The following CHD2 variants were observed in gnomAD, a reference collection of about 807,000 sequenced individuals.
CHD2 encodes ATP-dependent chromatin remodeler CHD2.
In CHD2, 28 loss-of-function variants were observed where a neutral mutation model predicts 243.9. That is an observed-to-expected ratio of 0.11 (90% confidence interval 0.09 to 0.16). The LOEUF (loss-of-function observed/expected upper bound fraction) is 0.16, where lower values mean the gene tolerates loss of function less well. CHD2 is among the 10% of genes least tolerant of loss of function. The pLI, the probability that CHD2 is intolerant of heterozygous loss-of-function variation, is 1.00. For synonymous variants in CHD2, 775 were observed against 779.0 expected (o/e 0.99, Z 0.09); for missense variants, 1,386 against 2,209.8 (o/e 0.63, Z 7.47).
At position 92,998,741 on chromosome 15, in the gene CHD2, AT is replaced by A. The variant is rs1325032803; in HGVS notation, c.4008+124del. 1.5e-6 allele frequency: 2 copies of A among 1,306,912 alleles called. No individual in the cohort carries two copies. The highest frequency in any genetic ancestry group is 4.8e-5 in the East Asian group (2 of 41,716). The allele number at this position is 1,306,912 out of a possible 1,614,324, so 81.0% of individuals were successfully genotyped here. On this transcript the variant is annotated intron_variant, in intron 31 of 38. Transcript: ENST00000394196. This position sits in a 1 kb window ranked among gnomAD's most constrained non-coding sequence, Gnocchi z 5.1. ...CAGAATGTCACCTTCTCATGGGCAT[AT>A]TTTGTTTTTGAGGTTCCAGTAATGA...
At chr15:93,018,206 A>C (rs2054487285) in intron 37 of CHD2, among the ~76,000 whole-genome samples, 1 of 152,196 alleles carries the variant, frequency 6.6e-6, no homozygotes, top group South Asian at 2.1e-4. Flanking sequence ...GCATATTTAG[A>C]AGGTGTCTCT....
rs1199703270 is a variant in CHD2 at position 92,923,561 on chromosome 15, G to GTTTTT, written c.63-744_63-740dup. On this transcript the variant is annotated intron_variant, in intron 2 of 38. Transcript: ENST00000394196. Reference sequence around the variant, plus strand: ...AGGCTTGAGCCACTGTGTCCAGCTTGTTTTTTTTTTTTTTTTTTTTCTGGA... The same window carrying GTTTTT: ...AGGCTTGAGCCACTGTGTCCAGCTTGTTTTTTTTTTTTTTTTTTTTTTTTTCTGGA... 1.6e-4 allele frequency among the ~76,000 whole-genome samples: 19 copies of GTTTTT among 121,526 alleles called. 1 individual carries two copies. The highest frequency in any genetic ancestry group is 4.7e-3 in the Middle Eastern group (1 of 214). The allele number at this position is 121,526 out of a possible 152,430, so 79.7% of individuals were successfully genotyped here. A position where few individuals can be genotyped will look rare whatever the true frequency, so the allele number is the denominator to read the frequency against.
In CHD2 at chr15:92,997,194, C is replaced by T; in HGVS notation, c.3735-59C>T. The T allele has an allele frequency of 1.2e-6, 2 of 1,609,322 alleles. No individual in the cohort carries two copies. The highest frequency in any genetic ancestry group is 2.2e-5 in the South Asian group (2 of 90,144). On this transcript the variant is annotated intron_variant, in intron 29 of 38. Coordinates refer to ENST00000394196, the MANE Select transcript of CHD2 (RefSeq NM_001271.4). The surrounding 1 kb of genome is among the most constrained non-coding windows in gnomAD (Gnocchi z 4.1). Reference sequence around the variant, plus strand: ...TTCCATAGTATTTTTACTGTCTCTTCTTTAACATACCAAAAAGGCCCCTCT... The same window carrying T: ...TTCCATAGTATTTTTACTGTCTCTTTTTTAACATACCAAAAAGGCCCCTCT...
intron 9 of CHD2, chr15:92,943,673 G>A (rs79135347): frequency 0.065 from 10,113 of 155,164 alleles, 448 homozygotes; most frequent in South Asian, 0.11. Context: ...GAAATATGTG[G>A]AGCTATAGCA....
intron 37 of CHD2, among the ~76,000 whole-genome samples, chr15:93,015,263 G>C (rs1818039347): frequency 6.6e-6 from 1 of 152,166 alleles, no homozygotes; most frequent in South Asian, 2.1e-4. Context: ...ATTTTTAGTA[G>C]AGACAGGGTT....
intron 2 of CHD2, among the ~76,000 whole-genome samples, chr15:92,911,681 G>T (rs1567120334): frequency 1.3e-5 from 2 of 152,264 alleles, no homozygotes; most frequent in South Asian, 2.1e-4. Context: ...GTTGCAGTGA[G>T]CTCAGATCGC....
chr15:93,023,555 C>T (rs1340365497), intron 38 of CHD2, among the ~76,000 whole-genome samples: 2 of 152,142 alleles, frequency 1.3e-5, no homozygotes, highest in East Asian at 1.9e-4. Context: ...ATATTCTTTA[C>T]GTTTTTAGGA....
chr15:92,910,773 C>T (rs2052718164), intron 2 of CHD2, among the ~76,000 whole-genome samples: 1 of 152,182 alleles, frequency 6.6e-6, no homozygotes, highest in Admixed American at 6.5e-5. Flanking sequence ...GTAGATACAT[C>T]TTGAATTTGT....
At chr15:93,003,607 G>T (rs1423787992) in intron 33 of CHD2, among the ~76,000 whole-genome samples, 2 of 150,416 alleles carry the variant, frequency 1.3e-5, no homozygotes, top group Non-Finnish European at 3.0e-5. Flanking sequence ...GGGCCAGGCG[G>T]GGGGAGACGC....
intron 4 of CHD2, 108 bp downstream of exon 4, chr15:92,927,438 G>C: frequency 1.3e-6 from 1 of 743,190 alleles, no homozygotes; most frequent in Non-Finnish European, 2.3e-6. Flanking sequence ...CAGGCATGAG[G>C]GTTAAGTGAC....
rs564937623 is a variant in CHD2, at chr15:92,964,253, T to G, written c.2001-3072T>G. Among the ~76,000 whole-genome samples, 23 of 152,346 alleles carry G rather than the reference T, an allele frequency of 1.5e-4. No homozygotes were observed. In the South Asian group the frequency reaches 3.7e-3, roughly 25 times the overall value. Reference sequence around the variant, plus strand: ...GATCTTTTTTTCTTTGAAAATTTTGTGTTTAAAGCATTGTCATTTTCAAAT... The same window carrying G: ...GATCTTTTTTTCTTTGAAAATTTTGGGTTTAAAGCATTGTCATTTTCAAAT... On this transcript the variant is annotated intron_variant, in intron 16 of 38. Transcript: ENST00000394196.
At chr15:92,972,162 C>T in intron 18 of CHD2, 103 bp from the exon 19 acceptor site, 1 of 1,328,090 alleles carries the variant, frequency 7.5e-7, no homozygotes, top group Non-Finnish European at 1.0e-6. Flanking sequence ...CTAAGGGCTT[C>T]AGAAAGCTTT....
At chr15:92,940,992 TAA>T (rs575575191) in intron 7 of CHD2, among the ~76,000 whole-genome samples, 2 of 115,726 alleles carry the variant, frequency 1.7e-5, no homozygotes, top group African/African-American at 6.6e-5. Context: ...AATATATATA[TAA>T]ATATATATAT....
At chr15:93,023,380 G>A (rs1440102685) in intron 38 of CHD2, among the ~76,000 whole-genome samples, 1 of 152,152 alleles carries the variant, frequency 6.6e-6, no homozygotes, top group East Asian at 1.9e-4. Flanking sequence ...ATTTCGTTGT[G>A]TGGATATATA....
chr15:92,941,660 GA>G (rs200999574), intron 7 of CHD2, among the ~76,000 whole-genome samples, 161 bp from the exon 8 acceptor site: 1 of 151,636 alleles, frequency 6.6e-6, no homozygotes, highest in Non-Finnish European at 1.5e-5. Context: ...AGCACTTTAG[GA>G]AAAAAAAGTA....
At chr15:93,003,831 G>A (rs906644655) in intron 33 of CHD2, among the ~76,000 whole-genome samples, 4 of 122,438 alleles carry the variant, frequency 3.3e-5, no homozygotes, top group African/African-American at 9.0e-5. Context: ...GCTTAAAAAT[G>A]TACATGAAGT....
At chr15:92,938,351 C>T (rs2053300544) in intron 6 of CHD2, among the ~76,000 whole-genome samples, 1 of 152,074 alleles carries the variant, frequency 6.6e-6, no homozygotes, top group South Asian at 2.1e-4. Context: ...GTAAATGTAC[C>T]TGATTATTTC....
chr15:92,948,261 G>A (rs1409101315), intron 12 of CHD2, among the ~76,000 whole-genome samples: 7 of 152,130 alleles, frequency 4.6e-5, no homozygotes, highest in Admixed American at 2.0e-4. Context: ...CTGTTATGGT[G>A]AAGATCAACT....
At chr15:92,973,363 T>C (rs1376257935) in intron 19 of CHD2, among the ~76,000 whole-genome samples, 1 of 152,220 alleles carries the variant, frequency 6.6e-6, no homozygotes, top group East Asian at 1.9e-4. Context: ...CACATAGACA[T>C]ATACGCAATT....
Sources: allele counts gnomAD v4.1 joint callset (sites outside exome capture counted in the v4.1 genomes callset), GRCh38; gene constraint gnomAD v4.1.1; non-coding constraint Gnocchi (gnomAD v3.1); transcripts MANE v1.5; gene names NCBI Gene and HGNC (gene_info 2026-07-23, HGNC 2026-07-21).